Variants in VRK2 observed in about 807,000 individuals in gnomAD.
The protein encoded by VRK2 is VRK serine/threonine kinase 2.
A neutral mutation model predicts 57.6 loss-of-function variants in VRK2; 60 were observed. That is an observed-to-expected ratio of 1.04 (90% confidence interval 0.85 to 1.29). The LOEUF (loss-of-function observed/expected upper bound fraction) is 1.29. VRK2 is among the 50% of genes most tolerant of loss of function. VRK2 has a pLI of 0.00. For synonymous variants in VRK2, 231 were observed against 199.2 expected, an observed-to-expected ratio of 1.16 and a Z score of -1.35; for missense variants, 705 against 588.1, an observed-to-expected ratio of 1.20 and a Z score of -2.06.
At chr2:58,136,892 GT>G (rs1329853402) in intron 10 of VRK2, among the ~76,000 whole-genome samples, 1 of 44,602 alleles carries the variant, frequency 2.2e-5, no homozygotes, top group East Asian at 6.6e-4. Flanking sequence ...TCATATATAT[GT>G]GTATATATAT....
At chr2:58,133,251 AATT>A (rs1679480243) in intron 9 of VRK2, among the ~76,000 whole-genome samples, 2 of 152,080 alleles carry the variant, frequency 1.3e-5, no homozygotes, top group African/African-American at 2.4e-5. Flanking sequence ...TGTCATATAA[AATT>A]ATTATTTTAC....
At chr2:57,974,356 A>G (rs1045520390) in intron 1 of VRK2, among the ~76,000 whole-genome samples, 1 of 151,900 alleles carries the variant, frequency 6.6e-6, no homozygotes, top group Non-Finnish European at 1.5e-5. Flanking sequence ...AATATTGGTA[A>G]TTCTAAAACA....
intron 1 of VRK2, among the ~76,000 whole-genome samples, chr2:58,015,627 A>T (rs1456706961): frequency 6.6e-6 from 1 of 152,032 alleles, no homozygotes; most frequent in South Asian, 2.1e-4. Flanking sequence ...ATACATATTT[A>T]TGTGTATAAA....
intron 1 of VRK2, among the ~76,000 whole-genome samples, chr2:58,016,751 C>A (rs1673595590): frequency 2.0e-5 from 3 of 152,180 alleles, no homozygotes; most frequent in Admixed American, 2.0e-4. Flanking sequence ...GTTTTCTAGA[C>A]TCTCGTGGAG....
At chr2:58,083,954 C>A in intron 2 of VRK2, 135 bp from the exon 3 acceptor site, 1 of 861,330 alleles carries the variant, frequency 1.2e-6, no homozygotes, top group Non-Finnish European at 1.7e-6. Flanking sequence ...TTGATTCCTA[C>A]TACCATAAAA....
intron 1 of VRK2, among the ~76,000 whole-genome samples, chr2:57,942,324 A>G (rs1478169120): frequency 6.6e-6 from 1 of 152,240 alleles, no homozygotes; most frequent in African/African-American, 2.4e-5. Flanking sequence ...TATAAAAATT[A>G]TGCAGAGGAA....
intron 4 of VRK2, among the ~76,000 whole-genome samples, chr2:58,085,433 AAATT>A (rs1489550656): frequency 6.6e-6 from 1 of 152,024 alleles, no homozygotes; most frequent in Non-Finnish European, 1.5e-5. Flanking sequence ...GAATGCTGGA[AAATT>A]AATTGGAGCT....
chr2:57,950,118 A>C (rs554780560), intron 1 of VRK2, among the ~76,000 whole-genome samples: 50 of 152,374 alleles, frequency 3.3e-4, no homozygotes, highest in African/African-American at 1.2e-3. Context: ...ATGAAGTAGC[A>C]AGTGCTGATG....
In VRK2 at chr2:58,112,390, T is replaced by C. The variant is rs182205799; in HGVS notation, c.544-10711T>C. Among the ~76,000 whole-genome samples the C allele has an allele frequency of 5.9e-5, 9 of 152,332 alleles. No individual in the cohort carries two copies. The East Asian group carries it at 1.7e-3, about 29-fold the overall frequency. On this transcript the variant is annotated intron_variant, in intron 7 of 12. Transcript: ENST00000340157. ...TTCCCTTCCTTTACTTATTTGATGGTATTTTCTAGCCTTCCCTCCCCCACA... is the reference window on the plus strand; with the variant it reads ...TTCCCTTCCTTTACTTATTTGATGGCATTTTCTAGCCTTCCCTCCCCCACA...
At chr2:58,120,184 C>CTTTCTTTTTTTTTTTTTTTTTTT (rs1677215194) in intron 7 of VRK2, among the ~76,000 whole-genome samples, 2 of 51,988 alleles carry the variant, frequency 3.8e-5, no homozygotes, top group African/African-American at 2.1e-4. Flanking sequence ...TTTTTCTTTT[C>CTTTCTTTTTTTTTTTTTTTTTTT]TTTTTTTTTT....
At chr2:58,019,070 T>C (rs1422795055) in intron 1 of VRK2, among the ~76,000 whole-genome samples, 1 of 152,224 alleles carries the variant, frequency 6.6e-6, no homozygotes, top group Non-Finnish European at 1.5e-5. Context: ...AGGAGATAAA[T>C]AAATTGAACT....
chr2:58,148,801 G>T (rs1208068246), intron 12 of VRK2, among the ~76,000 whole-genome samples: 1 of 151,688 alleles, frequency 6.6e-6, no homozygotes, highest in Non-Finnish European at 1.5e-5. Context: ...CTTTTCAAAA[G>T]TCAGCTAACT....
At chr2:57,975,242 G>A (rs923157110) in intron 1 of VRK2, among the ~76,000 whole-genome samples, 1 of 151,844 alleles carries the variant, frequency 6.6e-6, no homozygotes, top group Non-Finnish European at 1.5e-5. Context: ...TCATATCAGT[G>A]ACTGAGATGA....
intron 1 of VRK2, among the ~76,000 whole-genome samples, chr2:57,931,145 G>A (rs1670710191): frequency 2.0e-5 from 3 of 151,502 alleles, no homozygotes; most frequent in Non-Finnish European, 4.4e-5. Context: ...ATTTTTTTTT[G>A]TACGTATACC....
chr2:57,993,484 A>C lies in VRK2; in HGVS notation c.-438-32181A>C, dbSNP rs538865111. 1.5e-4 allele frequency among the ~76,000 whole-genome samples: 23 copies of C among 151,586 alleles called. 1 individual carries two copies. Among genetic ancestry groups the C allele is most frequent in the African/African-American group, 5.3e-4 (22 of 41,484 alleles). On this transcript the variant is annotated intron_variant, in intron 1 of 15. Coordinates refer to the VRK2 transcript ENST00000417641. Reference sequence around the variant, plus strand: ...AAGCCATGTCCCTGCTCTGCTTTAAAAAAAAAAAAAAGTAGCAAAAACTGT... The same window carrying C: ...AAGCCATGTCCCTGCTCTGCTTTAACAAAAAAAAAAAGTAGCAAAAACTGT...
chr2:57,989,328 G>A (rs1159466164), intron 1 of VRK2, among the ~76,000 whole-genome samples: 3 of 152,106 alleles, frequency 2.0e-5, no homozygotes, highest in Admixed American at 6.5e-5. Flanking sequence ...TATTTTATCT[G>A]CTAAGCCTGC....
intron 1 of VRK2, among the ~76,000 whole-genome samples, chr2:57,922,454 TTGTGTGTGTGTGTGTGTG>T (rs59731064): frequency 3.4e-5 from 5 of 146,958 alleles, no homozygotes; most frequent in Admixed American, 2.1e-4. Flanking sequence ...AGTTACCTTC[TTGTGTGTGTGTGTGTGTG>T]TGTGTGTGTG....
At chr2:57,994,669 A>G (rs1001848233) in intron 1 of VRK2, among the ~76,000 whole-genome samples, 1 of 152,192 alleles carries the variant, frequency 6.6e-6, no homozygotes, top group East Asian at 1.9e-4. Context: ...CCTTGGACTC[A>G]TAAAAATTAT....
At chr2:58,117,805 G>T (rs1319942452) in intron 7 of VRK2, among the ~76,000 whole-genome samples, 1 of 152,066 alleles carries the variant, frequency 6.6e-6, no homozygotes, top group Non-Finnish European at 1.5e-5. Context: ...AAGTTGGAGA[G>T]GTTTTAAGTT....
Sources: gnomAD v4.1 joint callset for allele counts (sites outside exome capture counted in the v4.1 genomes callset) on GRCh38, gnomAD v4.1.1 for gene constraint, MANE v1.5 for transcripts, NCBI Gene and HGNC (gene_info 2026-07-23, HGNC 2026-07-21) for gene names.